The following CLVS1 variants were observed in gnomAD, a reference collection of about 807,000 sequenced individuals.
The protein encoded by CLVS1 is clavesin 1.
CLVS1 carries 10 observed loss-of-function variants against 33.1 expected under a neutral mutation model. That is an observed-to-expected ratio of 0.30 (90% CI 0.19 to 0.51). The LOEUF (loss-of-function observed/expected upper bound fraction) is 0.51, where lower values mean the gene tolerates loss of function less well. Among genes scored for constraint, CLVS1 ranks in the 20% least tolerant of loss-of-function variants. The pLI is 0.97. For missense variants in CLVS1, 343 were observed against 433.4 expected (o/e 0.79, Z 1.85); for synonymous variants, 163 against 166.1 (o/e 0.98, Z 0.14).
rs555180020 is a variant in CLVS1, at chr8:61,171,831, A to G, written c.-152+39971A>G. ...ACCACATGAACGATATGGACGAGAA[A>G]TACTTTTGTAAGAAAGAAATTACTT... On this transcript the variant is annotated intron_variant, in intron 2 of 2. Coordinates refer to the CLVS1 transcript ENST00000522621. Among the ~76,000 whole-genome samples, 69 of 152,324 alleles carry G rather than the reference A, an allele frequency of 4.5e-4. 1 individual carries two copies. The highest frequency in any genetic ancestry group is 1.6e-3 in the African/African-American group (67 of 41,572).
chr8:61,285,917 A>G (rs1458920210), upstream of CLVS1, among the ~76,000 whole-genome samples: 1 of 152,064 alleles, frequency 6.6e-6, no homozygotes, highest in African/African-American at 2.4e-5. Flanking sequence ...TGTAGAAGGA[A>G]GAATATTCTA....
intron 2 of CLVS1, among the ~76,000 whole-genome samples, chr8:61,307,442 A>G (rs2129595199): frequency 6.6e-6 from 1 of 152,268 alleles, no homozygotes; most frequent in Admixed American, 6.5e-5. Context: ...AATACAGAGC[A>G]AGGGCCGAAA....
chr8:61,385,005 G>A (rs1416630595), intron 3 of CLVS1, among the ~76,000 whole-genome samples: 1 of 152,132 alleles, frequency 6.6e-6, no homozygotes, highest in Non-Finnish European at 1.5e-5. Context: ...GCTCTGGGTT[G>A]AAGTGGGGTA....
rs1804707262 is a variant in CLVS1 at position 61,500,710 on chromosome 8, T to G, written c.*1168T>G. 6.6e-6 allele frequency: 1 copy of G among 152,232 alleles called. No individual in the cohort carries two copies. The highest frequency in any genetic ancestry group is 2.4e-5 in the African/African-American group (1 of 41,464). 9.4% of individuals were successfully genotyped at this position (152,232 alleles called of 1,614,324 possible). On this transcript the variant is annotated 3_prime_UTR_variant, in exon 6 of 6. Transcript: ENST00000325897. ...CAAGACCAGTGCATATTTTTAGACA[T>G]CTCTTATTCGCCCAGCCATCTGCAT...
intron 5 of CLVS1, chr8:61,465,255 G>A (rs1817506112): frequency 6.6e-6 from 1 of 152,058 alleles, no homozygotes; most frequent in South Asian, 2.1e-4. Flanking sequence ...CATGCTTCAG[G>A]TCCATTTGGA....
intron 1 of CLVS1, 115 bp from the exon 2 acceptor site, chr8:61,299,562 T>C: frequency 2.5e-6 from 1 of 399,814 alleles, no homozygotes; most frequent in Non-Finnish European, 4.4e-6. Flanking sequence ...GGACACCTAA[T>C]CTAATCAGAC....
the CLVS1 span, among the ~76,000 whole-genome samples, chr8:61,005,871 TC>T: frequency 6.6e-6 from 1 of 152,210 alleles, no homozygotes; most frequent in Non-Finnish European, 1.5e-5. Flanking sequence ...ATTTATGTAT[TC>T]CTGCAGCTGC....
the CLVS1 span, among the ~76,000 whole-genome samples, chr8:61,037,633 T>C: frequency 6.6e-6 from 1 of 152,188 alleles, no homozygotes; most frequent in African/African-American, 2.4e-5. Flanking sequence ...AATGACAATC[T>C]CTTCAAATTT....
chr8:61,216,524 G>A (rs16927015), intron 2 of CLVS1, among the ~76,000 whole-genome samples: 12,558 of 152,228 alleles, frequency 0.082, 996 homozygotes, highest in African/African-American at 0.21. Flanking sequence ...GTGTCTGTGC[G>A]TTTGAACAGA....
chr8:61,212,626 G>A lies in CLVS1; in HGVS notation c.-152+80766G>A, dbSNP rs185550874. On this transcript the variant is annotated intron_variant, in intron 2 of 2. Transcript: ENST00000522621. Reference sequence around the variant, plus strand: ...AGATAGAAGCAGGAAGTCCAGTCACGTGGTTGTCACAGTGATAGGAGCTAA... The same window carrying A: ...AGATAGAAGCAGGAAGTCCAGTCACATGGTTGTCACAGTGATAGGAGCTAA... Among the ~76,000 whole-genome samples, 142 of 152,298 alleles carry A rather than the reference G, an allele frequency of 9.3e-4. 1 individual carries two copies. The Middle Eastern group carries it at 0.017, about 18-fold the overall frequency.
intron 2 of CLVS1, among the ~76,000 whole-genome samples, chr8:61,343,426 G>A (rs1293693136): frequency 6.6e-6 from 1 of 152,146 alleles, no homozygotes; most frequent in African/African-American, 2.4e-5. Context: ...AAAACCAGTG[G>A]GACGTTGTTG....
At chr8:61,206,138 C>A (rs562851354) in intron 2 of CLVS1, among the ~76,000 whole-genome samples, 1 of 152,160 alleles carries the variant, frequency 6.6e-6, no homozygotes, top group Non-Finnish European at 1.5e-5. Flanking sequence ...GATCACCTAC[C>A]ATTTACCAAA....
intron 2 of CLVS1, among the ~76,000 whole-genome samples, chr8:61,306,000 T>C (rs559708628): frequency 6.6e-6 from 1 of 152,310 alleles, no homozygotes; most frequent in South Asian, 2.1e-4. Context: ...GCAATGAACA[T>C]ACACGTGCAT....
In CLVS1 at chr8:61,275,657, A is replaced by C. The variant is rs186767829; in HGVS notation, c.-151-24020A>C. ...AAAGCTGAGTTGTGATCTTGAGTTC[A>C]ATCCCCCCACAGGCTAAATTTATTG... On this transcript the variant is annotated intron_variant, in intron 2 of 2. Coordinates refer to the CLVS1 transcript ENST00000522621. Among the ~76,000 whole-genome samples, 4 of 152,346 alleles carry C rather than the reference A, an allele frequency of 2.6e-5. No individual in the cohort carries two copies. The East Asian group carries it at 7.7e-4, about 29-fold the overall frequency.
At chr8:61,232,884 C>T (rs1483456603) in intron 2 of CLVS1, among the ~76,000 whole-genome samples, 1 of 152,204 alleles carries the variant, frequency 6.6e-6, no homozygotes, top group African/African-American at 2.4e-5. Flanking sequence ...ATTTGAACAT[C>T]TCTTTAACTC....
At chr8:61,165,164 G>A (rs959111970) in intron 2 of CLVS1, among the ~76,000 whole-genome samples, 1 of 152,226 alleles carries the variant, frequency 6.6e-6, no homozygotes, top group Non-Finnish European at 1.5e-5. Flanking sequence ...GAGTGGCAAC[G>A]GGCACCTCCT....
chr8:61,277,634 G>T (rs774470939), intron 2 of CLVS1, among the ~76,000 whole-genome samples: 6 of 152,058 alleles, frequency 3.9e-5, no homozygotes, highest in African/African-American at 1.4e-4. Context: ...CAAATGCTTG[G>T]GGGGGTAGGG....
chr8:61,069,190 A>G (rs1352569294), intron 1 of CLVS1, among the ~76,000 whole-genome samples: 1 of 151,398 alleles, frequency 6.6e-6, no homozygotes, highest in East Asian at 1.9e-4. Context: ...CTGCTCTCGA[A>G]CTCCTGACCT....
chr8:60,974,495 T>G, the CLVS1 span, among the ~76,000 whole-genome samples: 1 of 152,208 alleles, frequency 6.6e-6, no homozygotes, highest in Non-Finnish European at 1.5e-5. Flanking sequence ...ATTGACTTCC[T>G]CAAAGTTTCT....
Sources: allele counts gnomAD v4.1 joint callset (sites outside exome capture counted in the v4.1 genomes callset), GRCh38; gene constraint gnomAD v4.1.1; transcripts MANE v1.5; gene names NCBI Gene and HGNC (gene_info 2026-07-23, HGNC 2026-07-21).